The following DIPK1A variants were observed in gnomAD, a reference collection of about 807,000 sequenced individuals.
The protein encoded by DIPK1A is family with sequence similarity 69 member A.
A neutral mutation model predicts 40.8 loss-of-function variants in DIPK1A; 27 were observed. The ratio of observed to expected loss-of-function variants is 0.66; its 90% CI spans 0.49 to 0.91. DIPK1A has a LOEUF of 0.91. DIPK1A is among the 40% of genes least tolerant of loss of function. DIPK1A has a pLI of 0.00. For synonymous variants in DIPK1A, 166 were observed against 171.3 expected, an observed-to-expected ratio of 0.97 and a Z score of 0.24; for missense variants, 412 against 505.7, an observed-to-expected ratio of 0.81 and a Z score of 1.78.
At chr1:92,937,757 T>C (rs924294348) in intron 1 of DIPK1A, among the ~76,000 whole-genome samples, 2 of 152,166 alleles carry the variant, frequency 1.3e-5, no homozygotes, top group Non-Finnish European at 2.9e-5. Context: ...AAAATGGTGT[T>C]CCTTGAGCAT....
intron 2 of DIPK1A, among the ~76,000 whole-genome samples, chr1:92,858,081 T>C (rs1325011955): frequency 6.6e-6 from 1 of 152,194 alleles, no homozygotes; most frequent in African/African-American, 2.4e-5. Context: ...ACTTGCCAAA[T>C]GGATGAATGA....
chr1:92,840,008 ATT>A (rs111307161), downstream of DIPK1A, among the ~76,000 whole-genome samples: 30 of 138,244 alleles, frequency 2.2e-4, no homozygotes, highest in Admixed American at 3.6e-4. Flanking sequence ...TGCCCTGCTA[ATT>A]TTTTTTTTTT....
chr1:92,881,974 G>A (rs956083597), intron 1 of DIPK1A, among the ~76,000 whole-genome samples: 1 of 152,092 alleles, frequency 6.6e-6, no homozygotes, highest in Non-Finnish European at 1.5e-5. Context: ...CAAGTCTCTT[G>A]ATGCTTTAAA....
At chr1:92,947,032 G>C (rs1651396035) in intron 1 of DIPK1A, among the ~76,000 whole-genome samples, 1 of 151,278 alleles carries the variant, frequency 6.6e-6, no homozygotes, top group African/African-American at 2.4e-5. Context: ...AATCCTTTCA[G>C]GAAAATAGTA....
intron 2 of DIPK1A, among the ~76,000 whole-genome samples, chr1:92,860,645 A>AGCC (rs1553125592): frequency 0.01 from 120 of 11,482 alleles, 8 homozygotes; most frequent in South Asian, 0.063. Flanking sequence ...AAAAAAAAAA[A>AGCC]ATGGTGGTGT....
intron 1 of DIPK1A, 50 bp downstream of exon 1, chr1:92,961,326 C>G: frequency 7.1e-7 from 1 of 1,406,094 alleles, no homozygotes; most frequent in Non-Finnish European, 9.6e-7. Context: ...CGCGGCAGGG[C>G]ACACGGCCGG....
chr1:92,956,366 T>A (rs1257462924), intron 1 of DIPK1A, among the ~76,000 whole-genome samples: 1 of 152,200 alleles, frequency 6.6e-6, no homozygotes, highest in Non-Finnish European at 1.5e-5. Flanking sequence ...TGGCTCTCTG[T>A]ACACATACCA....
chr1:92,891,736 G>A (rs1006366929), intron 1 of DIPK1A, among the ~76,000 whole-genome samples: 8 of 152,160 alleles, frequency 5.3e-5, no homozygotes, highest in African/African-American at 1.9e-4. Flanking sequence ...AAGAGGAAGG[G>A]GTCAGGGAAT....
intron 1 of DIPK1A, among the ~76,000 whole-genome samples, chr1:92,929,381 G>A (rs1650653138): frequency 6.6e-6 from 1 of 152,206 alleles, no homozygotes; most frequent in East Asian, 1.9e-4. Flanking sequence ...TCCACGTGCT[G>A]CTTTTTCATT....
At position 92,850,964 on chromosome 1, in the gene DIPK1A, C is replaced by A; in HGVS notation, c.190-9G>T. 6.6e-7 allele frequency: 1 copy of A among 1,524,530 alleles called. No homozygotes were observed. The highest frequency in any genetic ancestry group is 1.4e-5 in the African/African-American group (1 of 72,144). The allele number at this position is 1,524,530 out of a possible 1,614,324, so 94.4% of individuals were successfully genotyped here. A position where few individuals can be genotyped will look rare whatever the true frequency, so the allele number is the denominator to read the frequency against. On this transcript the variant is annotated splice_polypyrimidine_tract_variant and intron_variant, in intron 2 of 4. Coordinates refer to ENST00000370310, the MANE Select transcript of DIPK1A (RefSeq NM_001006605.5). Reference sequence around the variant, plus strand: ...GTCTTGTACTTGTCACACTAAAAACCAGGAAATAAAAAAGTAGTTAATAGA... The same window carrying A: ...GTCTTGTACTTGTCACACTAAAAACAAGGAAATAAAAAAGTAGTTAATAGA...
At chr1:92,923,733 C>T (rs1456495021) in intron 1 of DIPK1A, among the ~76,000 whole-genome samples, 4 of 152,146 alleles carry the variant, frequency 2.6e-5, no homozygotes, top group African/African-American at 7.2e-5. Context: ...CTAGTGGAAT[C>T]GTCTGCTCTA....
chr1:92,858,532 C>A (rs1166035952), intron 2 of DIPK1A, among the ~76,000 whole-genome samples: 1 of 152,062 alleles, frequency 6.6e-6, no homozygotes, highest in Non-Finnish European at 1.5e-5. Context: ...GCTTTAAAAT[C>A]TCATTGAGGA....
chr1:92,920,203 T>C (rs1650217690), intron 1 of DIPK1A, among the ~76,000 whole-genome samples: 2 of 152,226 alleles, frequency 1.3e-5, no homozygotes. Flanking sequence ...TCACCTTGAA[T>C]TGTAATAATC....
intron 1 of DIPK1A, among the ~76,000 whole-genome samples, chr1:92,926,217 G>A (rs1440010572): frequency 1.3e-5 from 2 of 152,122 alleles, no homozygotes; most frequent in African/African-American, 2.4e-5. Context: ...TGTAAGCAGT[G>A]CTTTAACTGC....
chr1:92,941,086 G>A (rs974691813), intron 1 of DIPK1A, among the ~76,000 whole-genome samples: 2 of 145,328 alleles, frequency 1.4e-5, no homozygotes, highest in African/African-American at 5.0e-5. Context: ...TTTTTAACAG[G>A]GTCTTTAGCA....
intron 3 of DIPK1A, among the ~76,000 whole-genome samples, chr1:92,848,831 T>C (rs1321023491): frequency 2.0e-5 from 3 of 152,196 alleles, no homozygotes; most frequent in South Asian, 2.1e-4. Flanking sequence ...TGATTAATAC[T>C]GTCAACTGAA....
At chr1:92,892,370 G>T (rs1199707573) in intron 1 of DIPK1A, among the ~76,000 whole-genome samples, 1 of 152,074 alleles carries the variant, frequency 6.6e-6, no homozygotes. Context: ...CTGTTCTGCA[G>T]CCTCTGCTGC....
intron 1 of DIPK1A, among the ~76,000 whole-genome samples, chr1:92,878,690 G>C (rs1405742606): frequency 1.3e-5 from 2 of 152,112 alleles, no homozygotes; most frequent in Non-Finnish European, 2.9e-5. Context: ...CGAGGTGGCG[G>C]GGGCCTGTAG....
intron 4 of DIPK1A, chr1:92,836,522 C>A (rs933417392): frequency 3.8e-6 from 3 of 796,074 alleles, no homozygotes; most frequent in African/African-American, 3.4e-5. Context: ...AGGTACCATG[C>A]AGGAGGAACC....
Sources: gnomAD v4.1 joint callset for allele counts (sites outside exome capture counted in the v4.1 genomes callset) on GRCh38, gnomAD v4.1.1 for gene constraint, MANE v1.5 for transcripts, NCBI Gene and HGNC (gene_info 2026-07-23, HGNC 2026-07-21) for gene names.